MAD2L1BP: variants seen among roughly 807,000 people sequenced by gnomAD.
MAD2L1BP encodes MAD2L1-binding protein.
In MAD2L1BP, 22 loss-of-function variants were observed where a neutral mutation model predicts 28.4. That is an observed-to-expected ratio of 0.77 (90% CI 0.55 to 1.10). MAD2L1BP has a LOEUF of 1.10. MAD2L1BP is among the 50% of genes least tolerant of loss of function. The probability of loss-of-function intolerance (pLI) is 0.00; values close to 1 mark genes in which losing one functional copy is unlikely to be tolerated. For missense variants in MAD2L1BP, 325 were observed against 350.5 expected, an observed-to-expected ratio of 0.93 and a Z score of 0.58; for synonymous variants, 146 against 133.7, an observed-to-expected ratio of 1.09 and a Z score of -0.63.
intron 2 of MAD2L1BP, among the ~76,000 whole-genome samples, chr6:43,639,794 T>C (rs1561931854): frequency 6.6e-6 from 1 of 152,234 alleles, no homozygotes; most frequent in African/African-American, 2.4e-5. Context: ...TTCAGAACAC[T>C]GTGTTTGCTG....
At chr6:43,633,324 C>T (rs146408101), upstream of MAD2L1BP, 8 of 327,400 alleles carry the variant, frequency 2.4e-5, no homozygotes, top group East Asian at 8.6e-4. Flanking sequence ...AGGTATGCAC[C>T]AGCACGCCTG....
In MAD2L1BP at chr6:43,640,248, C is replaced by T. The variant is rs2127869477; in HGVS notation, c.540C>T (p.Ser180=). The T allele has an allele frequency of 6.2e-7, 1 of 1,613,914 alleles. No individual in the cohort carries two copies. ...SLLAPYSVDQ[S]LSTAACLRRL... The stretch of plus-strand genomic sequence containing the variant: ...TGGCCCCCTACAGCGTGGACCAGAG[C>T]CTGAGCACAGCAGCTTGTTTGCGCC... Residue 180 remains serine, a synonymous_variant, in exon 3 of 3, where the codon AGC becomes AGT. Transcript: ENST00000372171.
Position 43,640,247 on chromosome 6 carries a change from G to C in MAD2L1BP, c.539G>C (p.Ser180Thr). Residue 180 changes from serine (S) to threonine (T), a missense_variant, in exon 3 of 3, where the codon AGC becomes ACC. Transcript: ENST00000372171. ...CTGGCCCCCTACAGCGTGGACCAGA[G>C]CCTGAGCACAGCAGCTTGTTTGCGC... is the stretch of plus-strand genomic sequence containing the variant. ...SLLAPYSVDQ[S>T]LSTAACLRRL... 1 of 1,613,932 alleles carries C rather than the reference G, an allele frequency of 6.2e-7. No individual in the cohort carries two copies. The highest frequency in any genetic ancestry group is 8.5e-7 in the Non-Finnish European group (1 of 1,179,970).
In MAD2L1BP at chr6:43,640,698, A is replaced by ATGTGGC. The variant is rs59973520; in HGVS notation, c.*170_*175dup. ...TCAGATTTCCTGATAGGCTGATGGC[A>ATGTGGC]TGTGGCTGTGACTGTGACTGTAATC... On this transcript the variant is annotated 3_prime_UTR_variant, in exon 3 of 3. Coordinates refer to ENST00000372171, the MANE Select transcript of MAD2L1BP (RefSeq NM_014628.3). 1,032 of 659,812 alleles carry ATGTGGC rather than the reference A, an allele frequency of 1.6e-3. 9 individuals carry two copies. The highest frequency in any genetic ancestry group is 0.015 in the African/African-American group (849 of 54,886). 40.9% of individuals were successfully genotyped at this position (659,812 alleles called of 1,614,324 possible).
At chr6:43,629,679 G>C in exon 1 of MAD2L1BP, 1 of 1,508,442 alleles carries the variant, frequency 6.6e-7, no homozygotes, top group South Asian at 1.2e-5. Context: ...TTTGGACCTC[G>C]AGAGCTGCAG....
rs906532493 is a variant in MAD2L1BP, at chr6:43,640,283, G to A, written c.575G>A (p.Arg192Gln). 3 of 1,613,712 alleles carry A rather than the reference G, an allele frequency of 1.9e-6. No homozygotes were observed. The highest frequency in any genetic ancestry group is 2.2e-5 in the East Asian group (1 of 44,876). ...STAACLRRLF[R>Q]AIFMADAFSE... Reference sequence around the variant, plus strand: ...GCAGCTTGTTTGCGCCGTCTCTTCCGAGCCATATTCATGGCTGATGCCTTT... The same window carrying A: ...GCAGCTTGTTTGCGCCGTCTCTTCCAAGCCATATTCATGGCTGATGCCTTT... The change falls in exon 3 of 3, where the codon CGA becomes CAA. Residue 192 changes from arginine to glutamine, a missense_variant. By Grantham distance (43) the Arg-to-Gln change is conservative. Transcript: ENST00000372171.
intron 2 of MAD2L1BP, 183 bp downstream of exon 2, chr6:43,636,829 C>T (rs1391541546): frequency 1.5e-6 from 1 of 673,178 alleles, no homozygotes; most frequent in Non-Finnish European, 2.5e-6. Context: ...TTCAACTGTT[C>T]TTTCTTTCTG....
At chr6:43,636,135 C>G (rs1243632784) in intron 1 of MAD2L1BP, among the ~76,000 whole-genome samples, 2 of 152,162 alleles carry the variant, frequency 1.3e-5, no homozygotes, top group African/African-American at 4.8e-5. Context: ...TCAAGTCCCG[C>G]AGCTTTCTGA....
At chr6:43,631,100 G>A (rs1328428833), upstream of MAD2L1BP, among the ~76,000 whole-genome samples, 10 of 152,132 alleles carry the variant, frequency 6.6e-5, no homozygotes, top group Admixed American at 6.5e-4. Flanking sequence ...TACTGATCAT[G>A]CTGTCCACAT....
At position 43,640,209 on chromosome 6, in the gene MAD2L1BP, C is replaced by T. The variant is rs747860034; in HGVS notation, c.501C>T (p.Leu167=). Reference sequence around the variant, plus strand: ...TAAGCCCCAAGGAGTTCTATGAACTCGACTTGTCTCTGCTGGCCCCCTACA... The same window carrying T: ...TAAGCCCCAAGGAGTTCTATGAACTTGACTTGTCTCTGCTGGCCCCCTACA... ...NALSPKEFYE[L]DLSLLAPYSV... The change falls in exon 3 of 3, where the codon CTC becomes CTT. Residue 167 remains leucine, a synonymous_variant. Transcript: ENST00000372171. The T allele has an allele frequency of 6.2e-6, 10 of 1,613,900 alleles. No homozygotes were observed. The highest frequency in any genetic ancestry group is 1.7e-5 in the Admixed American group (1 of 60,002).
upstream of MAD2L1BP, among the ~76,000 whole-genome samples, chr6:43,635,279 GAGT>G (rs1770136095): frequency 6.6e-6 from 1 of 152,036 alleles, no homozygotes; most frequent in African/African-American, 2.4e-5. Flanking sequence ...TCCTTGTACA[GAGT>G]ATGCTCTTGT....
At chr6:43,636,992 C>T (rs1770264168) in intron 2 of MAD2L1BP, 1 of 187,874 alleles carries the variant, frequency 5.3e-6, no homozygotes. Context: ...ATTCTGCTGC[C>T]TCAGCCTCCC....
intron 2 of MAD2L1BP, among the ~76,000 whole-genome samples, chr6:43,637,963 C>T (rs1250552305): frequency 2.0e-5 from 3 of 151,796 alleles, no homozygotes; most frequent in South Asian, 2.1e-4. Context: ...TGCAGTGGAG[C>T]GATCTCGGCT....
At chr6:43,639,410 A>G (rs1046725701) in intron 2 of MAD2L1BP, among the ~76,000 whole-genome samples, 8 of 152,190 alleles carry the variant, frequency 5.3e-5, no homozygotes, top group Non-Finnish European at 1.2e-4. Context: ...AAGTGCTGGG[A>G]TTACAGGCGT....
At chr6:43,638,408 G>T (rs1289572909) in intron 2 of MAD2L1BP, among the ~76,000 whole-genome samples, 2 of 152,108 alleles carry the variant, frequency 1.3e-5, no homozygotes, top group African/African-American at 2.4e-5. Flanking sequence ...GTTCCTTGCG[G>T]CATCTCAGTT....
intron 2 of MAD2L1BP, 35 bp from the exon 3 acceptor site, chr6:43,639,986 T>C: frequency 2.7e-6 from 4 of 1,508,480 alleles, no homozygotes; most frequent in Middle Eastern, 1.8e-4. Flanking sequence ...TCCCCCTGCC[T>C]TGTTCTTCTC....
At position 43,640,729 on chromosome 6, in the gene MAD2L1BP, T is replaced by C. The variant is rs1770514730; in HGVS notation, c.*196T>C. ...CTGTGACTGTGACTGTAATCATTGC[T>C]GAACAACATCTCTTTGAATCAAAGG... On this transcript the variant is annotated 3_prime_UTR_variant, in exon 3 of 3. Transcript: ENST00000372171. The C allele has an allele frequency of 8.8e-6, 5 of 566,174 alleles. No individual in the cohort carries two copies. In the East Asian group the frequency reaches 1.5e-4, roughly 17 times the overall value. The allele number at this position is 566,174 out of a possible 1,614,324, so 35.1% of individuals were successfully genotyped here.
Position 43,640,222 on chromosome 6 carries a change from C to T in MAD2L1BP, c.514C>T (p.Leu172=), listed in dbSNP as rs1770489249. 2.5e-6 allele frequency: 4 copies of T among 1,613,848 alleles called. No individual in the cohort carries two copies. Among genetic ancestry groups the T allele is most frequent in the African/African-American group, 1.3e-5 (1 of 74,924 alleles). The change falls in exon 3 of 3, where the codon CTG becomes TTG. Residue 172 remains leucine (L), a synonymous_variant. Coordinates refer to ENST00000372171, the MANE Select transcript of MAD2L1BP (RefSeq NM_014628.3). ...KEFYELDLSL[L]APYSVDQSLS... ...GTTCTATGAACTCGACTTGTCTCTG[C>T]TGGCCCCCTACAGCGTGGACCAGAG... is the stretch of plus-strand genomic sequence containing the variant.
intron 2 of MAD2L1BP, among the ~76,000 whole-genome samples, chr6:43,638,807 AAAG>A (rs1770406581): frequency 6.6e-6 from 1 of 152,124 alleles, no homozygotes. Context: ...AAAAAAAAAA[AAAG>A]AATAAATCAT....
Sources: allele counts gnomAD v4.1 joint callset (sites outside exome capture counted in the v4.1 genomes callset), GRCh38; gene constraint gnomAD v4.1.1; transcripts MANE v1.5; gene names NCBI Gene and HGNC (gene_info 2026-07-23, HGNC 2026-07-21).